The following CDH23 variants were observed in gnomAD, a reference collection of about 807,000 sequenced individuals.
CDH23 encodes cadherin related 23, also known as cadherin-23.
In CDH23, 189 loss-of-function variants were observed where a neutral mutation model predicts 317.1. The observed-to-expected ratio is 0.60, with a 90% CI of 0.53 to 0.67. The LOEUF is 0.67. Among genes scored for constraint, CDH23 ranks in the 30% least tolerant of loss-of-function variants. CDH23 has a pLI of 0.00. For synonymous variants in CDH23, 1,839 were observed against 1,876.8 expected, an observed-to-expected ratio of 0.98 and a Z score of 0.52; for missense variants, 4,401 against 4,592.4, an observed-to-expected ratio of 0.96 and a Z score of 1.20.
At chr10:71,667,704 G>T (rs185912823) in intron 14 of CDH23, among the ~76,000 whole-genome samples, 54 of 152,186 alleles carry the variant, frequency 3.5e-4, no homozygotes, top group Non-Finnish European at 6.9e-4. Flanking sequence ...GGTGAGAGAT[G>T]ATGACTGTTA....
rs1847740516 is a variant in CDH23, at chr10:71,400,723, T to C, written c.-6+3405T>C. 1.3e-5 allele frequency among the ~76,000 whole-genome samples: 2 copies of C among 152,154 alleles called. 1 individual carries two copies. The highest frequency in any genetic ancestry group is 4.1e-4 in the South Asian group (2 of 4,828). ...CTGAGGAAGGAGAATCGCTTGAACCTGGACCATGGAGGTTGCAGTGAGCCG... is the reference window on the plus strand; with the variant it reads ...CTGAGGAAGGAGAATCGCTTGAACCCGGACCATGGAGGTTGCAGTGAGCCG... On this transcript the variant is annotated intron_variant, in intron 1 of 69. Transcript: ENST00000224721.
chr10:71,610,443 G>A (rs538415771), intron 9 of CDH23, among the ~76,000 whole-genome samples: 221 of 152,306 alleles, frequency 1.5e-3, no homozygotes, highest in Admixed American at 3.5e-3. Flanking sequence ...TGTGGAAGGC[G>A]AATGCTTGCA....
chr10:71,551,229 G>A (rs1233380631), intron 6 of CDH23, among the ~76,000 whole-genome samples: 1 of 152,184 alleles, frequency 6.6e-6, no homozygotes, highest in Non-Finnish European at 1.5e-5. Context: ...AGGCTGCCAG[G>A]GTCCTCTTCA....
At chr10:71,767,265 G>T (rs1034280143) in intron 38 of CDH23, among the ~76,000 whole-genome samples, 1 of 152,216 alleles carries the variant, frequency 6.6e-6, no homozygotes, top group Admixed American at 6.5e-5. Context: ...TGTGGGTGTG[G>T]ACAGGCCTGT....
At chr10:71,546,289 T>C (rs1856276686) in intron 6 of CDH23, among the ~76,000 whole-genome samples, 1 of 152,130 alleles carries the variant, frequency 6.6e-6, no homozygotes, top group Non-Finnish European at 1.5e-5. Flanking sequence ...GTGGAGACAT[T>C]CGTAAAAGAA....
chr10:71,567,392 G>A (rs1857471726), intron 7 of CDH23, among the ~76,000 whole-genome samples: 1 of 152,258 alleles, frequency 6.6e-6, no homozygotes, highest in South Asian at 2.1e-4. Flanking sequence ...GCCCAAAGGA[G>A]TTCAGGCATC....
chr10:71,712,616 C>T lies in CDH23; in HGVS notation c.3221-49C>T, dbSNP rs1866019967. On this transcript the variant is annotated intron_variant, in intron 27 of 69. Transcript: ENST00000224721. ...AGTGTGCAAAGTCACAGGAAGTGTG[C>T]CCCTCTCTCAGGCAGCTGCTAACAC... 4.4e-6 allele frequency: 7 copies of T among 1,602,180 alleles called. No individual in the cohort carries two copies. The East Asian group carries it at 9.0e-5, about 21-fold the overall frequency.
intron 31 of CDH23, 87 bp downstream of exon 31, chr10:71,730,691 C>T: frequency 3.2e-6 from 5 of 1,554,192 alleles, no homozygotes; most frequent in Non-Finnish European, 4.4e-6. Context: ...AACGGTCATC[C>T]CTGATGCTTC....
chr10:71,797,032 A>G, intron 48 of CDH23, 72 bp from the exon 49 acceptor site: 7 of 944,894 alleles, frequency 7.4e-6, no homozygotes, highest in South Asian at 2.8e-5. Context: ...GGGTTTGGCC[A>G]GGAGCACCCC....
chr10:71,462,041 A>C (rs1326257019), intron 3 of CDH23, among the ~76,000 whole-genome samples: 1 of 152,232 alleles, frequency 6.6e-6, no homozygotes, highest in Non-Finnish European at 1.5e-5. Context: ...TTTGGGCAGC[A>C]TGCTGGGCTT....
At chr10:71,548,097 G>C (rs1856384294) in intron 6 of CDH23, among the ~76,000 whole-genome samples, 1 of 152,218 alleles carries the variant, frequency 6.6e-6, no homozygotes, top group Admixed American at 6.5e-5. Flanking sequence ...TTGGCTCTAA[G>C]TGCTTTTTGC....
chr10:71,621,091 G>C (rs1861445710), intron 11 of CDH23, among the ~76,000 whole-genome samples: 1 of 152,242 alleles, frequency 6.6e-6, no homozygotes. Flanking sequence ...AACATTGCCT[G>C]AGTGTCCAGA....
intron 38 of CDH23, chr10:71,761,549 C>G: frequency 3.3e-6 from 5 of 1,496,222 alleles, no homozygotes; most frequent in Non-Finnish European, 3.6e-6. Context: ...CACCATCAGA[C>G]AGGCAGCCCT....
intron 9 of CDH23, among the ~76,000 whole-genome samples, chr10:71,594,548 AT>A (rs527673002): frequency 2.8e-4 from 42 of 152,060 alleles, no homozygotes; most frequent in Admixed American, 2.6e-3. Context: ...TAATTTTTGT[AT>A]TTTTTTAGTA....
At chr10:71,810,365 A>G in intron 61 of CDH23, 107 bp from the exon 62 acceptor site, 2 of 1,024,654 alleles carry the variant, frequency 2.0e-6, no homozygotes, top group Non-Finnish European at 3.0e-6. Flanking sequence ...TCAGTAGTGA[A>G]GGGTCTATTT....
chr10:71,650,117 G>A (rs750832267), intron 14 of CDH23, among the ~76,000 whole-genome samples: 1 of 152,218 alleles, frequency 6.6e-6, no homozygotes, highest in Non-Finnish European at 1.5e-5. Flanking sequence ...TCCCAGGGTC[G>A]CTCCAGGTGG....
intron 2 of CDH23, among the ~76,000 whole-genome samples, chr10:71,444,949 T>A (rs1850085103): frequency 1.3e-5 from 2 of 152,118 alleles, no homozygotes; most frequent in South Asian, 4.1e-4. Flanking sequence ...GGAAGTGCCC[T>A]CACTTGCCTA....
At chr10:71,522,133 T>TA (rs386371780) in intron 6 of CDH23, among the ~76,000 whole-genome samples, 3 of 151,920 alleles carry the variant, frequency 2.0e-5, no homozygotes, top group Non-Finnish European at 4.4e-5. Context: ...CACAGGTTTT[T>TA]TTTTTTGTCT....
At chr10:71,520,050 T>A (rs1397943342) in intron 6 of CDH23, among the ~76,000 whole-genome samples, 1 of 152,230 alleles carries the variant, frequency 6.6e-6, no homozygotes, top group African/African-American at 2.4e-5. Flanking sequence ...CCAGGCAGCC[T>A]GCCTGCTGCG....
Sources: allele counts gnomAD v4.1 joint callset (sites outside exome capture counted in the v4.1 genomes callset), GRCh38; gene constraint gnomAD v4.1.1; transcripts MANE v1.5; gene names NCBI Gene and HGNC (gene_info 2026-07-23, HGNC 2026-07-21).